The following DACH1 variants were observed in gnomAD, a reference collection of about 807,000 sequenced individuals.
The protein encoded by DACH1 is dachshund family transcription factor 1.
A neutral mutation model predicts 54.2 loss-of-function variants in DACH1; 12 were observed. The observed-to-expected ratio is 0.22, with a 90% CI of 0.14 to 0.36. The LOEUF (loss-of-function observed/expected upper bound fraction) is 0.36, where lower values mean the gene tolerates loss of function less well. Among genes scored for constraint, DACH1 ranks in the 10% least tolerant of loss-of-function variants. DACH1 has a pLI of 1.00. For missense variants in DACH1, 805 were observed against 929.8 expected (o/e 0.87, Z 1.75); for synonymous variants, 386 against 366.2 (o/e 1.05, Z -0.62).
chr13:71,760,013 T>C (rs1885334380), intron 1 of DACH1, among the ~76,000 whole-genome samples: 1 of 152,210 alleles, frequency 6.6e-6, no homozygotes, highest in Admixed American at 6.5e-5. Flanking sequence ...TTTCATTCCA[T>C]TGACTCATTT....
intron 1 of DACH1, among the ~76,000 whole-genome samples, chr13:71,724,928 A>T (rs1883401611): frequency 6.6e-6 from 1 of 152,134 alleles, no homozygotes; most frequent in African/African-American, 2.4e-5. Context: ...AATCACAACT[A>T]ACTATAACTT....
intron 1 of DACH1, among the ~76,000 whole-genome samples, chr13:71,709,412 C>G (rs1460131360): frequency 1.3e-5 from 2 of 151,920 alleles, no homozygotes; most frequent in Non-Finnish European, 2.9e-5. Flanking sequence ...ATTCTGAATA[C>G]TGTGATAAAA....
chr13:71,609,604 C>A (rs993120738), intron 3 of DACH1, among the ~76,000 whole-genome samples: 3 of 151,906 alleles, frequency 2.0e-5, no homozygotes, highest in Non-Finnish European at 4.4e-5. Context: ...TGGCTCACTA[C>A]AACCTCCACT....
intron 1 of DACH1, among the ~76,000 whole-genome samples, chr13:71,813,243 G>C (rs1887787424): frequency 6.6e-6 from 1 of 152,084 alleles, no homozygotes; most frequent in African/African-American, 2.4e-5. Context: ...CTCTCACTAA[G>C]AGTCAGACAT....
At chr13:71,632,424 T>TC (rs975055174) in intron 2 of DACH1, among the ~76,000 whole-genome samples, 11 of 151,594 alleles carry the variant, frequency 7.3e-5, no homozygotes, top group African/African-American at 2.7e-4. Flanking sequence ...CCATTTTTTT[T>TC]TTTTTTTTTT....
intron 6 of DACH1, among the ~76,000 whole-genome samples, chr13:71,503,599 TTTGTGGCTGCCC>T (rs1177748897): frequency 2.0e-5 from 3 of 152,202 alleles, no homozygotes; most frequent in African/African-American, 7.2e-5. Flanking sequence ...ATAAACTACA[TTTGTGGCTGCCC>T]TGTGCAGCAA....
At chr13:71,735,206 A>T (rs111205655) in intron 1 of DACH1, among the ~76,000 whole-genome samples, 12,312 of 108,500 alleles carry the variant, frequency 0.11, 4,548 homozygotes, top group Non-Finnish European at 0.19. Flanking sequence ...TATGGGATAC[A>T]CGTATATGGG....
chr13:71,806,859 T>C lies in DACH1; in HGVS notation c.848+59063A>G, dbSNP rs534681378. 1.1e-4 allele frequency among the ~76,000 whole-genome samples: 16 copies of C among 152,336 alleles called. No individual in the cohort carries two copies. The South Asian group carries it at 3.3e-3, about 32-fold the overall frequency. ...GTGATGGAGTTCTTCCAAAATGTCA[T>C]GACTTTTTCATTAACATACCACAAT... On this transcript the variant is annotated intron_variant, in intron 1 of 10. Transcript: ENST00000613252.
intron 3 of DACH1, among the ~76,000 whole-genome samples, chr13:71,574,189 C>T (rs1406152501): frequency 6.6e-6 from 1 of 152,104 alleles, no homozygotes; most frequent in Non-Finnish European, 1.5e-5. Context: ...TGAGGGCTTG[C>T]ATTTCAATAT....
At chr13:71,627,702 G>A (rs879666846) in intron 3 of DACH1, among the ~76,000 whole-genome samples, 18 of 152,054 alleles carry the variant, frequency 1.2e-4, no homozygotes, top group Non-Finnish European at 1.5e-4. Flanking sequence ...TCCATAGACT[G>A]TATGCCCCTG....
chr13:71,767,403 AC>A (rs1032534782), intron 1 of DACH1, among the ~76,000 whole-genome samples: 4 of 152,222 alleles, frequency 2.6e-5, no homozygotes, highest in African/African-American at 9.6e-5. Context: ...AATCTGAATG[AC>A]CACATAATAA....
At chr13:71,667,872 C>T (rs1403368263) in intron 2 of DACH1, among the ~76,000 whole-genome samples, 2 of 152,032 alleles carry the variant, frequency 1.3e-5, no homozygotes, top group African/African-American at 4.8e-5. Flanking sequence ...GACATACTTG[C>T]ATTTATATTC....
At chr13:71,864,906 T>C (rs1874619420) in intron 1 of DACH1, among the ~76,000 whole-genome samples, 1 of 152,098 alleles carries the variant, frequency 6.6e-6, no homozygotes. Flanking sequence ...GTGCAAAGTG[T>C]GCACCTGCTC....
intron 1 of DACH1, among the ~76,000 whole-genome samples, chr13:71,799,750 T>A (rs1887213469): frequency 6.6e-6 from 1 of 152,086 alleles, no homozygotes; most frequent in South Asian, 2.1e-4. Context: ...AAATGCATGC[T>A]TATGGCATAG....
At chr13:71,606,274 T>C (rs1356662431) in intron 3 of DACH1, among the ~76,000 whole-genome samples, 1 of 152,078 alleles carries the variant, frequency 6.6e-6, no homozygotes, top group Non-Finnish European at 1.5e-5. Flanking sequence ...CTGTCCATTT[T>C]AACACCCTGT....
At chr13:71,473,263 T>G (rs1877241636) in intron 10 of DACH1, among the ~76,000 whole-genome samples, 1 of 152,202 alleles carries the variant, frequency 6.6e-6, no homozygotes, top group African/African-American at 2.4e-5. Flanking sequence ...CAAAAATAAT[T>G]CCATAAAATG....
chr13:71,811,797 A>T (rs1331921330), intron 1 of DACH1, among the ~76,000 whole-genome samples: 1 of 152,180 alleles, frequency 6.6e-6, no homozygotes, highest in Non-Finnish European at 1.5e-5. Context: ...TAATATCTAC[A>T]TGTGAGGATA....
At chr13:71,577,449 G>T (rs1885599692) in intron 3 of DACH1, among the ~76,000 whole-genome samples, 1 of 152,174 alleles carries the variant, frequency 6.6e-6, no homozygotes, top group South Asian at 2.1e-4. Flanking sequence ...TTTTATAAAT[G>T]AGTGTTCATA....
At chr13:71,579,424 A>G (rs909604801) in intron 3 of DACH1, among the ~76,000 whole-genome samples, 1 of 152,120 alleles carries the variant, frequency 6.6e-6, no homozygotes, top group African/African-American at 2.4e-5. Flanking sequence ...ATGATTATTG[A>G]ACTAAAGAGA....
Sources: allele counts gnomAD v4.1 joint callset (sites outside exome capture counted in the v4.1 genomes callset), GRCh38; gene constraint gnomAD v4.1.1; transcripts MANE v1.5; gene names NCBI Gene and HGNC (gene_info 2026-07-23, HGNC 2026-07-21).